Variants in RSPO2 observed in about 807,000 individuals in gnomAD.
The protein encoded by RSPO2 is R-spondin-2.
A neutral mutation model predicts 30.9 loss-of-function variants in RSPO2; 14 were observed. The observed-to-expected ratio is 0.45, with a 90% confidence interval of 0.30 to 0.71. The LOEUF is 0.71. Ranked by LOEUF, RSPO2 falls within the 30% of genes least tolerant of loss-of-function variation. The pLI is 0.08. For missense variants in RSPO2, 264 were observed against 301.9 expected (o/e 0.87, Z 0.93); for synonymous variants, 107 against 96.4 (o/e 1.11, Z -0.64).
At chr8:107,937,169 T>TA (rs1554573936) in intron 5 of RSPO2, among the ~76,000 whole-genome samples, 1 of 149,840 alleles carries the variant, frequency 6.7e-6, no homozygotes, top group Non-Finnish European at 1.5e-5. Context: ...TTTTTTTTTT[T>TA]ATATGGGGAG....
chr8:108,022,906 CA>C (rs1811097227), intron 2 of RSPO2, among the ~76,000 whole-genome samples: 1 of 130,616 alleles, frequency 7.7e-6, no homozygotes, highest in Non-Finnish European at 1.6e-5. Flanking sequence ...GCCTGGACAA[CA>C]AGAACAAAAC....
intron 2 of RSPO2, among the ~76,000 whole-genome samples, chr8:108,043,678 A>G (rs772450980): frequency 2.0e-5 from 3 of 152,116 alleles, no homozygotes; most frequent in Non-Finnish European, 2.9e-5. Context: ...AATTTGAAAG[A>G]AAATTAAAGA....
intron 3 of RSPO2, among the ~76,000 whole-genome samples, chr8:107,975,962 C>G (rs925111068): frequency 6.6e-6 from 1 of 152,146 alleles, no homozygotes; most frequent in Non-Finnish European, 1.5e-5. Flanking sequence ...AAGTGACGGC[C>G]AGGGTATTAA....
intron 2 of RSPO2, among the ~76,000 whole-genome samples, chr8:108,063,729 T>C (rs1280563818): frequency 6.6e-6 from 1 of 151,984 alleles, no homozygotes; most frequent in East Asian, 1.9e-4. Flanking sequence ...AAGTCAATCC[T>C]AAGCCAAAAG....
intron 2 of RSPO2, among the ~76,000 whole-genome samples, chr8:108,066,887 C>T (rs1192856639): frequency 6.6e-6 from 1 of 152,116 alleles, no homozygotes; most frequent in African/African-American, 2.4e-5. Flanking sequence ...CTAAGAATGG[C>T]ACAACGAGAC....
chr8:107,968,908 A>G lies in RSPO2; in HGVS notation c.284-8091T>C, dbSNP rs368167426. Among the ~76,000 whole-genome samples, 12 of 152,194 alleles carry G rather than the reference A, an allele frequency of 7.9e-5. No homozygotes were observed. The East Asian group carries it at 2.1e-3, about 27-fold the overall frequency. The stretch of plus-strand genomic sequence containing the variant: ...ACTACTCAAAGGGCATTACCCAATA[A>G]AGGGCATTACCCACTGTCTAGAGTA... On this transcript the variant is annotated intron_variant, in intron 3 of 5. Transcript: ENST00000276659.
chr8:108,083,093 G>C (rs879476059), intron 1 of RSPO2, 104 bp downstream of exon 1: 6 of 159,304 alleles, frequency 3.8e-5, no homozygotes, highest in African/African-American at 4.8e-5. Flanking sequence ...GAACTCTAAA[G>C]GCACTGAGAG....
At chr8:108,018,991 C>T (rs1810978068) in intron 2 of RSPO2, among the ~76,000 whole-genome samples, 1 of 152,132 alleles carries the variant, frequency 6.6e-6, no homozygotes. Flanking sequence ...ATAGATCATT[C>T]TAAAAATAAA....
chr8:107,992,111 A>G (rs1361482249), intron 2 of RSPO2, among the ~76,000 whole-genome samples: 6 of 151,884 alleles, frequency 4.0e-5, no homozygotes, highest in Non-Finnish European at 8.8e-5. Flanking sequence ...ACTATTCTCA[A>G]TAGCAAAGAC....
At chr8:108,025,073 A>C (rs1032221874) in intron 2 of RSPO2, among the ~76,000 whole-genome samples, 2 of 152,204 alleles carry the variant, frequency 1.3e-5, no homozygotes, top group Admixed American at 1.3e-4. Context: ...GCAGAAACAA[A>C]TTTATAAGTG....
intron 5 of RSPO2, among the ~76,000 whole-genome samples, chr8:107,914,744 A>T (rs1198464025): frequency 6.6e-6 from 1 of 152,196 alleles, no homozygotes; most frequent in African/African-American, 2.4e-5. Flanking sequence ...AATTCCTTCC[A>T]ATCAGTTTGA....
chr8:107,988,707 A>G (rs954140769), intron 3 of RSPO2, among the ~76,000 whole-genome samples: 16 of 152,222 alleles, frequency 1.1e-4, no homozygotes, highest in Non-Finnish European at 2.1e-4. Flanking sequence ...AGCTCACTGC[A>G]ACCTCCGCCT....
intron 2 of RSPO2, among the ~76,000 whole-genome samples, chr8:108,071,390 CAACA>C (rs981057065): frequency 1.3e-5 from 2 of 152,182 alleles, no homozygotes; most frequent in Non-Finnish European, 2.9e-5. Context: ...TCTATCACCA[CAACA>C]AACTAACCTC....
At chr8:107,956,854 T>C (rs1813449923) in intron 5 of RSPO2, among the ~76,000 whole-genome samples, 1 of 152,214 alleles carries the variant, frequency 6.6e-6, no homozygotes, top group Admixed American at 6.5e-5. Flanking sequence ...AGTGGCTTAT[T>C]AGTTTTGTAA....
intron 2 of RSPO2, among the ~76,000 whole-genome samples, chr8:108,057,400 T>C (rs1189476285): frequency 6.6e-6 from 1 of 152,168 alleles, no homozygotes; most frequent in Non-Finnish European, 1.5e-5. Context: ...TGTTCTCTAT[T>C]TTTCAAATTG....
chr8:108,073,690 G>A (rs1812923483), intron 2 of RSPO2, among the ~76,000 whole-genome samples: 2 of 152,156 alleles, frequency 1.3e-5, no homozygotes, highest in African/African-American at 4.8e-5. Context: ...CTGTATATTT[G>A]TGTTGTACTT....
At chr8:107,905,180 C>T (rs2130250428) in intron 5 of RSPO2, among the ~76,000 whole-genome samples, 1 of 152,204 alleles carries the variant, frequency 6.6e-6, no homozygotes, top group South Asian at 2.1e-4. Flanking sequence ...TTTCCTCTCA[C>T]TGGGTATAGG....
At chr8:107,987,395 A>G (rs1434520) in intron 3 of RSPO2, among the ~76,000 whole-genome samples, 96,852 of 151,988 alleles carry the variant, frequency 0.64, 32,757 homozygotes, top group African/African-American at 0.88. Context: ...TTCTTAGCCT[A>G]GCAGGAAACA....
chr8:108,059,435 T>A (rs963298803), intron 2 of RSPO2, among the ~76,000 whole-genome samples: 1 of 151,578 alleles, frequency 6.6e-6, no homozygotes, highest in Non-Finnish European at 1.5e-5. Flanking sequence ...ATTGTGGAAG[T>A]CAGTGTGGCG....
Sources: allele counts gnomAD v4.1 joint callset (sites outside exome capture counted in the v4.1 genomes callset), GRCh38; gene constraint gnomAD v4.1.1; transcripts MANE v1.5; gene names NCBI Gene and HGNC (gene_info 2026-07-23, HGNC 2026-07-21).